SLCO3A1: variants seen among roughly 807,000 people sequenced by gnomAD.
SLCO3A1 encodes solute carrier organic anion transporter family member 3A1.
Under a neutral mutation model 63.1 loss-of-function variants are expected in SLCO3A1, and 27 were observed. The ratio of observed to expected loss-of-function variants is 0.43; its 90% CI spans 0.32 to 0.59. The LOEUF is 0.59. SLCO3A1 is among the 20% of genes least tolerant of loss of function. SLCO3A1 has a pLI of 0.09. For synonymous variants in SLCO3A1, 473 were observed against 409.9 expected (o/e 1.15, Z -1.86); for missense variants, 773 against 945.8 (o/e 0.82, Z 2.40).
intron 2 of SLCO3A1, among the ~76,000 whole-genome samples, chr15:92,088,687 C>CTCA (rs2047434816): frequency 6.6e-6 from 1 of 152,186 alleles, no homozygotes; most frequent in Non-Finnish European, 1.5e-5. Context: ...CAAGCTTTGG[C>CTCA]TCATGGCCAT....
intron 7 of SLCO3A1, among the ~76,000 whole-genome samples, chr15:92,137,426 A>G (rs1053491567): frequency 4.1e-5 from 4 of 98,668 alleles, no homozygotes; most frequent in African/African-American, 5.9e-5. Flanking sequence ...TAATGCTGCA[A>G]TAAACATACG....
chr15:91,927,103 G>A (rs1349297690), intron 2 of SLCO3A1, among the ~76,000 whole-genome samples: 4 of 152,078 alleles, frequency 2.6e-5, no homozygotes, highest in Non-Finnish European at 4.4e-5. Flanking sequence ...GCATCACTTA[G>A]GCAACTGTGG....
intron 1 of SLCO3A1, among the ~76,000 whole-genome samples, chr15:91,910,905 G>T (rs140890608): frequency 6.6e-6 from 1 of 152,218 alleles, no homozygotes; most frequent in African/African-American, 2.4e-5. Context: ...ACCCAGACCA[G>T]AGTGAGAAGA....
At chr15:91,979,704 A>G (rs1362515986) in intron 2 of SLCO3A1, among the ~76,000 whole-genome samples, 1 of 152,200 alleles carries the variant, frequency 6.6e-6, no homozygotes, top group Non-Finnish European at 1.5e-5. Flanking sequence ...CTCCTCTAAA[A>G]CCAGAGATAA....
At chr15:91,993,704 C>G (rs2046155175) in intron 2 of SLCO3A1, among the ~76,000 whole-genome samples, 1 of 152,086 alleles carries the variant, frequency 6.6e-6, no homozygotes, top group African/African-American at 2.4e-5. Flanking sequence ...GTGTGCATAC[C>G]CCTGTTTGGT....
At position 92,163,220 on chromosome 15, in the gene SLCO3A1, C is replaced by G; in HGVS notation, c.*85C>G. 6.9e-7 allele frequency: 1 copy of G among 1,449,646 alleles called. No individual in the cohort carries two copies. The highest frequency in any genetic ancestry group is 1.6e-5 in the South Asian group (1 of 62,514). 89.8% of individuals were successfully genotyped at this position (1,449,646 alleles called of 1,614,324 possible). A position where few individuals can be genotyped will look rare whatever the true frequency, so the allele number is the denominator to read the frequency against. The stretch of plus-strand genomic sequence containing the variant: ...AAGAAAAAAAGGTTCCAAAAAAAAC[C>G]AAAACTCAGTACACACACACAGGCA... On this transcript the variant is annotated 3_prime_UTR_variant, in exon 10 of 10. Transcript: ENST00000318445.
chr15:92,095,985 C>A (rs1346369415), intron 3 of SLCO3A1, among the ~76,000 whole-genome samples: 1 of 152,040 alleles, frequency 6.6e-6, no homozygotes, highest in Non-Finnish European at 1.5e-5. Context: ...TAAGAAATAA[C>A]CCCAAACCTA....
chr15:92,024,699 A>G (rs1044160239), intron 2 of SLCO3A1, among the ~76,000 whole-genome samples: 2 of 152,226 alleles, frequency 1.3e-5, no homozygotes, highest in African/African-American at 2.4e-5. Flanking sequence ...TACACAAAGC[A>G]AAACAGGATT....
intron 2 of SLCO3A1, among the ~76,000 whole-genome samples, chr15:92,012,577 T>C (rs1001538922): frequency 2.6e-5 from 4 of 152,060 alleles, no homozygotes; most frequent in African/African-American, 9.7e-5. Context: ...TTGGAGTTGA[T>C]GTAGACTGTG....
chr15:91,947,252 T>C (rs1342047780), intron 2 of SLCO3A1, among the ~76,000 whole-genome samples: 1 of 152,234 alleles, frequency 6.6e-6, no homozygotes, highest in Non-Finnish European at 1.5e-5. Flanking sequence ...GGACCGTCTT[T>C]TCCGAGGCTC....
intron 2 of SLCO3A1, among the ~76,000 whole-genome samples, chr15:92,029,540 A>T (rs747085537): frequency 3.9e-5 from 6 of 152,240 alleles, no homozygotes; most frequent in African/African-American, 1.2e-4. Flanking sequence ...TTGTTTTCTC[A>T]TAAAGAAATA....
At chr15:92,029,628 A>C (rs2046620970) in intron 2 of SLCO3A1, among the ~76,000 whole-genome samples, 1 of 152,026 alleles carries the variant, frequency 6.6e-6, no homozygotes, top group Admixed American at 6.6e-5. Flanking sequence ...CAACCCAGGG[A>C]AAAAGTACAT....
At chr15:92,162,684 C>G in intron 9 of SLCO3A1, 72 bp from the exon 10 acceptor site, 2 of 1,526,880 alleles carry the variant, frequency 1.3e-6, no homozygotes, top group Non-Finnish European at 1.8e-6. Context: ...ATAAGAAAAG[C>G]TAGGCAGAGA....
chr15:92,137,221 G>A (rs1249835151), intron 7 of SLCO3A1, among the ~76,000 whole-genome samples: 1 of 128,326 alleles, frequency 7.8e-6, no homozygotes, highest in Non-Finnish European at 1.6e-5. Context: ...AGAATATGCT[G>A]TGTTTGGTTT....
intron 2 of SLCO3A1, among the ~76,000 whole-genome samples, chr15:92,057,558 G>A (rs895459097): frequency 6.6e-6 from 1 of 152,204 alleles, no homozygotes; most frequent in Non-Finnish European, 1.5e-5. Context: ...CAGTCCATCT[G>A]TGAGGACACA....
At chr15:92,035,964 A>G (rs2046720558) in intron 2 of SLCO3A1, among the ~76,000 whole-genome samples, 2 of 147,004 alleles carry the variant, frequency 1.4e-5, no homozygotes, top group Admixed American at 6.8e-5. Context: ...TGTAGACTCT[A>G]GTGTCAGCCA....
At chr15:91,874,716 C>T (rs1897358557) in intron 1 of SLCO3A1, among the ~76,000 whole-genome samples, 1 of 152,208 alleles carries the variant, frequency 6.6e-6, no homozygotes, top group Admixed American at 6.5e-5. Flanking sequence ...GTAGAGCTTT[C>T]ATCTGGAATA....
intron 2 of SLCO3A1, among the ~76,000 whole-genome samples, chr15:91,970,549 G>A (rs573206319): frequency 1.3e-5 from 2 of 152,208 alleles, no homozygotes; most frequent in East Asian, 1.9e-4. Context: ...CCTGGAGAAT[G>A]AAAGCGGGTA....
At chr15:92,115,836 A>AT (rs1567128334) in intron 4 of SLCO3A1, among the ~76,000 whole-genome samples, 1 of 151,190 alleles carries the variant, frequency 6.6e-6, no homozygotes, top group African/African-American at 2.4e-5. Flanking sequence ...AAAAAAAAAA[A>AT]AATGGACTAA....
Sources: gnomAD v4.1 joint callset for allele counts (sites outside exome capture counted in the v4.1 genomes callset) on GRCh38, gnomAD v4.1.1 for gene constraint, MANE v1.5 for transcripts, NCBI Gene and HGNC (gene_info 2026-07-23, HGNC 2026-07-21) for gene names.